The following ESRRG variants were observed in gnomAD, a reference collection of about 807,000 sequenced individuals.
ESRRG encodes the protein estrogen related receptor gamma.
In ESRRG, 13 loss-of-function variants were observed where a neutral mutation model predicts 44.0. That is an observed-to-expected ratio of 0.30 (90% CI 0.19 to 0.47). The LOEUF (loss-of-function observed/expected upper bound fraction) is 0.47. ESRRG is among the 20% of genes least tolerant of loss of function. The pLI is 1.00. For missense variants in ESRRG, 395 were observed against 580.6 expected (o/e 0.68, Z 3.29); for synonymous variants, 215 against 214.6 (o/e 1.00, Z -0.02).
At chr1:216,663,884 G>T (rs10495032) in intron 2 of ESRRG, among the ~76,000 whole-genome samples, 5,793 of 152,168 alleles carry the variant, frequency 0.038, 157 homozygotes, top group Admixed American at 0.053. Context: ...GTGGAGAAAG[G>T]AATGTCAGAT....
At position 216,915,257 on chromosome 1, in the gene ESRRG, T is replaced by C. The variant is rs143973259; in HGVS notation, c.-14+24325A>G. Reference sequence around the variant, plus strand: ...GGCAACTTGAAGAAGACAAAGAAGATACATAAAGCAGCAAGGTCACCACTG... The same window carrying C: ...GGCAACTTGAAGAAGACAAAGAAGACACATAAAGCAGCAAGGTCACCACTG... On this transcript the variant is annotated intron_variant, in intron 2 of 7. Transcript: ENST00000359162. 6.3e-3 allele frequency among the ~76,000 whole-genome samples: 955 copies of C among 152,190 alleles called. 9 individuals are homozygous for C. The highest frequency in any genetic ancestry group is 0.022 in the African/African-American group (914 of 41,522).
chr1:216,835,131 G>A (rs1054141153), intron 2 of ESRRG, among the ~76,000 whole-genome samples: 13 of 134,700 alleles, frequency 9.7e-5, no homozygotes, highest in Admixed American at 8.8e-4. Flanking sequence ...ACTTTGGCAT[G>A]TAAATGGAGG....
chr1:217,033,387 G>A (rs966853976), intron 1 of ESRRG, among the ~76,000 whole-genome samples: 5 of 152,148 alleles, frequency 3.3e-5, no homozygotes, highest in Admixed American at 1.3e-4. Context: ...GAATATTGAA[G>A]ATATTTTGGG....
chr1:216,925,209 C>T (rs556537037), intron 2 of ESRRG, among the ~76,000 whole-genome samples: 1 of 151,620 alleles, frequency 6.6e-6, no homozygotes, highest in African/African-American at 2.4e-5. Context: ...GAGGCCGAGG[C>T]GGGCAGATCA....
chr1:216,841,672 C>G (rs2095655501), intron 2 of ESRRG, among the ~76,000 whole-genome samples: 1 of 152,066 alleles, frequency 6.6e-6, no homozygotes, highest in Non-Finnish European at 1.5e-5. Context: ...CACGCCAGCA[C>G]CTCTTAACCT....
intron 2 of ESRRG, among the ~76,000 whole-genome samples, chr1:216,828,906 G>A (rs920865810): frequency 1.3e-5 from 2 of 152,206 alleles, no homozygotes; most frequent in Non-Finnish European, 2.9e-5. Flanking sequence ...ATTTCAGTGA[G>A]CATTTGTCAA....
intron 1 of ESRRG, among the ~76,000 whole-genome samples, chr1:217,003,694 G>A (rs536683001): frequency 3.1e-4 from 46 of 150,596 alleles, no homozygotes; most frequent in African/African-American, 1.1e-3. Flanking sequence ...CACTGAAATG[G>A]CATTTACATT....
chr1:216,979,325 C>A (rs145104932), intron 1 of ESRRG, among the ~76,000 whole-genome samples: 104 of 152,220 alleles, frequency 6.8e-4, no homozygotes, highest in African/African-American at 2.5e-3. Context: ...CTTTAGAGTT[C>A]TGCTTTGAGA....
At chr1:216,753,968 G>C (rs2092275860) in intron 2 of ESRRG, among the ~76,000 whole-genome samples, 1 of 151,994 alleles carries the variant, frequency 6.6e-6, no homozygotes, top group African/African-American at 2.4e-5. Context: ...CTGCTCAGCT[G>C]TGACTCCACT....
At chr1:217,073,743 G>A (rs1324468772) in intron 1 of ESRRG, among the ~76,000 whole-genome samples, 5 of 151,684 alleles carry the variant, frequency 3.3e-5, no homozygotes. Flanking sequence ...AGAAAGAAAA[G>A]GAGGGAGAAA....
chr1:216,856,314 G>A (rs1420876358), intron 2 of ESRRG, among the ~76,000 whole-genome samples: 1 of 150,528 alleles, frequency 6.6e-6, no homozygotes, highest in Non-Finnish European at 1.5e-5. Flanking sequence ...GATATTACCA[G>A]TTGCTTAATC....
chr1:217,134,565 C>T (rs947049436), intron 1 of ESRRG, among the ~76,000 whole-genome samples: 43 of 152,218 alleles, frequency 2.8e-4, no homozygotes, highest in African/African-American at 1.0e-3. Context: ...TTTCTCCACA[C>T]CCCGTACCCC....
chr1:216,986,409 G>A lies in ESRRG; in HGVS notation c.-105-46736C>T, dbSNP rs969516303. Reference sequence around the variant, plus strand: ...CATGTGGCCTGGCTCCAAACCAATGGGTCATAGATGAGAGAAGGTTTGAGG... The same window carrying A: ...CATGTGGCCTGGCTCCAAACCAATGAGTCATAGATGAGAGAAGGTTTGAGG... On this transcript the variant is annotated intron_variant, in intron 1 of 7. Transcript: ENST00000359162. Among the ~76,000 whole-genome samples the A allele has an allele frequency of 2.6e-5, 4 of 152,170 alleles. 1 individual carries two copies. In the South Asian group the frequency reaches 8.3e-4, roughly 32 times the overall value.
chr1:216,725,342 G>A (rs933353399), upstream of ESRRG, among the ~76,000 whole-genome samples: 1 of 152,096 alleles, frequency 6.6e-6, no homozygotes, highest in South Asian at 2.1e-4. Context: ...ATTGTTAAAT[G>A]TGAACTCTGC....
chr1:217,076,877 C>G (rs1018758842), intron 1 of ESRRG: 2 of 152,286 alleles, frequency 1.3e-5, no homozygotes, highest in Middle Eastern at 3.4e-3. Context: ...AGTCACCACA[C>G]TTTGCCCAGA....
intron 2 of ESRRG, among the ~76,000 whole-genome samples, chr1:216,917,345 G>T (rs896688181): frequency 7.9e-5 from 12 of 151,994 alleles, no homozygotes; most frequent in Non-Finnish European, 1.6e-4. Context: ...GAGTATAAAA[G>T]ACATGGTTCA....
intron 2 of ESRRG, among the ~76,000 whole-genome samples, chr1:216,846,124 C>A (rs1289241539): frequency 1.3e-5 from 2 of 152,112 alleles, no homozygotes; most frequent in East Asian, 3.9e-4. Context: ...ATAACAACTT[C>A]ATAGTTTGTT....
At chr1:216,744,281 G>A (rs114464078) in intron 2 of ESRRG, among the ~76,000 whole-genome samples, 61 of 152,146 alleles carry the variant, frequency 4.0e-4, no homozygotes, top group African/African-American at 1.4e-3. Flanking sequence ...ACTATATTTG[G>A]CAAGCATTTA....
intron 1 of ESRRG, among the ~76,000 whole-genome samples, chr1:217,127,109 T>C (rs1357515095): frequency 3.3e-5 from 5 of 152,250 alleles, no homozygotes; most frequent in Non-Finnish European, 5.9e-5. Context: ...CATTTGCTTT[T>C]TGTGTTGGTG....
Sources: gnomAD v4.1 joint callset for allele counts (sites outside exome capture counted in the v4.1 genomes callset) on GRCh38, gnomAD v4.1.1 for gene constraint, MANE v1.5 for transcripts, NCBI Gene and HGNC (gene_info 2026-07-23, HGNC 2026-07-21) for gene names.